AGO3: variants seen among roughly 807,000 people sequenced by gnomAD.
AGO3 encodes the protein protein argonaute-3.
In AGO3, 16 loss-of-function variants were observed where a neutral mutation model predicts 105.5. That is an observed-to-expected ratio of 0.15 (90% CI 0.10 to 0.23). AGO3 has a LOEUF of 0.23. AGO3 is among the 10% of genes least tolerant of loss of function. The pLI is 1.00. For missense variants in AGO3, 534 were observed against 1,088.0 expected (o/e 0.49, Z 7.16); for synonymous variants, 340 against 367.3 (o/e 0.93, Z 0.85).
At chr1:35,993,644 A>G (rs1247679655) in intron 5 of AGO3, among the ~76,000 whole-genome samples, 1 of 151,454 alleles carries the variant, frequency 6.6e-6, no homozygotes, top group African/African-American at 2.4e-5. Context: ...TGATTTCACT[A>G]GTGAGTTTTT....
In AGO3 at chr1:36,055,597, A is replaced by G. The variant is rs1227450466; in HGVS notation, c.2475-40A>G. The G allele has an allele frequency of 6.4e-7, 1 of 1,569,958 alleles. No individual in the cohort carries two copies. Among genetic ancestry groups the G allele is most frequent in the Non-Finnish European group, 8.8e-7 (1 of 1,142,296 alleles). Reference sequence around the variant, plus strand: ...TTTTTCGGAATTATTACATCAGAATAGAAAGTTTGTTTTTGTGTTCATTGC... The same window carrying G: ...TTTTTCGGAATTATTACATCAGAATGGAAAGTTTGTTTTTGTGTTCATTGC... On this transcript the variant is annotated intron_variant, in intron 18 of 18. Coordinates refer to ENST00000373191, the MANE Select transcript of AGO3 (RefSeq NM_024852.4). The surrounding 1 kb of genome is among the most constrained non-coding windows in gnomAD (Gnocchi z 4.4).
intron 17 of AGO3, among the ~76,000 whole-genome samples, chr1:36,049,490 C>T (rs1642612003): frequency 6.6e-6 from 1 of 151,610 alleles, no homozygotes; most frequent in Non-Finnish European, 1.5e-5. Flanking sequence ...TGCACTCCAA[C>T]CTGGCGACAG....
chr1:35,937,315 A>G (rs1006867154), intron 1 of AGO3, among the ~76,000 whole-genome samples: 2 of 151,808 alleles, frequency 1.3e-5, no homozygotes, highest in Admixed American at 6.6e-5. Flanking sequence ...AGGCAGGAGA[A>G]TCCTTTGAAC....
chr1:36,009,699 A>G (rs2148814824), intron 9 of AGO3, 105 bp downstream of exon 9: 1 of 1,169,530 alleles, frequency 8.6e-7, no homozygotes, highest in East Asian at 2.5e-5. Flanking sequence ...CATTTCATGG[A>G]CTGTCAGAAT....
At chr1:36,032,444 C>T (rs969861459) in intron 12 of AGO3, among the ~76,000 whole-genome samples, 5 of 151,978 alleles carry the variant, frequency 3.3e-5, no homozygotes, top group Admixed American at 6.6e-5. Flanking sequence ...TGCAATGACA[C>T]GATCATAGTT....
intron 5 of AGO3, among the ~76,000 whole-genome samples, chr1:35,977,799 T>C (rs1646979664): frequency 6.6e-6 from 1 of 152,162 alleles, no homozygotes; most frequent in African/African-American, 2.4e-5. Flanking sequence ...GTAGTGAAAT[T>C]CAGTGGTATT....
chr1:35,945,606 C>T, intron 1 of AGO3, 86 bp from the exon 2 acceptor site: 4 of 1,369,168 alleles, frequency 2.9e-6, no homozygotes, highest in Non-Finnish European at 4.0e-6. Context: ...ATCAGCTGTA[C>T]TTATAATTCT....
At chr1:35,980,590 C>T (rs1274484338) in intron 5 of AGO3, among the ~76,000 whole-genome samples, 2 of 152,146 alleles carry the variant, frequency 1.3e-5, no homozygotes, top group African/African-American at 4.8e-5. Flanking sequence ...AGCCTTATTC[C>T]TGAAGGACTG....
At chr1:35,941,800 C>A (rs1646260709) in intron 1 of AGO3, among the ~76,000 whole-genome samples, 1 of 152,150 alleles carries the variant, frequency 6.6e-6, no homozygotes. Flanking sequence ...CAGGACGAGC[C>A]TGGGCAACAT....
intron 5 of AGO3, among the ~76,000 whole-genome samples, chr1:35,974,978 C>A (rs922539563): frequency 6.6e-6 from 1 of 152,060 alleles, no homozygotes; most frequent in Admixed American, 6.6e-5. Context: ...GCTGCACCTA[C>A]CATTGTGTAA....
intron 11 of AGO3, among the ~76,000 whole-genome samples, chr1:36,018,105 C>G (rs1433457173): frequency 1.3e-5 from 2 of 150,784 alleles, no homozygotes; most frequent in African/African-American, 4.9e-5. Context: ...CTCAGCCTCC[C>G]AAGTAGAACA....
chr1:36,009,283 TG>T, intron 8 of AGO3, 191 bp from the exon 9 acceptor site: 1 of 802,378 alleles, frequency 1.2e-6, no homozygotes, highest in Non-Finnish European at 1.9e-6. Flanking sequence ...AGTCTTCATC[TG>T]GTGTACATTT....
chr1:36,002,452 C>T (rs1411927830), intron 5 of AGO3, among the ~76,000 whole-genome samples: 1 of 147,664 alleles, frequency 6.8e-6, no homozygotes, highest in Non-Finnish European at 1.5e-5. Flanking sequence ...GCCTCAGCCT[C>T]CTGAGTAGCT....
intron 2 of AGO3, among the ~76,000 whole-genome samples, chr1:35,953,347 C>G (rs1646508398): frequency 6.6e-6 from 1 of 151,752 alleles, no homozygotes. Flanking sequence ...TTCCCATATT[C>G]TCACCAATAT....
At position 35,955,356 on chromosome 1, in the gene AGO3, A is replaced by T. The variant is rs144391329; in HGVS notation, c.191+9493A>T. ...GACCAAAAAATACATATAGATATAAATGCACACACATTTCAAAAACTATAA... is the reference window on the plus strand; with the variant it reads ...GACCAAAAAATACATATAGATATAATTGCACACACATTTCAAAAACTATAA... On this transcript the variant is annotated intron_variant, in intron 2 of 18. Transcript: ENST00000373191. Among the ~76,000 whole-genome samples, 452 of 152,336 alleles carry T rather than the reference A, an allele frequency of 3.0e-3. 3 individuals are homozygous for T. Among genetic ancestry groups the T allele is most frequent in the African/African-American group, 0.01 (423 of 41,590 alleles).
At chr1:35,978,517 C>T (rs1646993653) in intron 5 of AGO3, among the ~76,000 whole-genome samples, 1 of 151,748 alleles carries the variant, frequency 6.6e-6, no homozygotes, top group African/African-American at 2.4e-5. Flanking sequence ...TTTTTATTAA[C>T]GTTAAACTCA....
intron 5 of AGO3, among the ~76,000 whole-genome samples, chr1:35,999,288 C>T (rs948131340): frequency 3.9e-5 from 6 of 151,960 alleles, no homozygotes; most frequent in Non-Finnish European, 5.9e-5. Flanking sequence ...TGCAGTTAGC[C>T]GAGATTACGC....
rs962463322 is a variant in AGO3 at position 36,055,675 on chromosome 1, G to A, written c.2513G>A (p.Arg838Gln). The change falls in exon 19 of 19, where the codon CGA becomes CAA. Residue 838 changes from arginine (R) to glutamine (Q), a missense_variant. Arg to Gln is a conservative substitution (Grantham distance 43). Coordinates refer to ENST00000373191, the MANE Select transcript of AGO3 (RefSeq NM_024852.4). This position sits in a 1 kb window ranked among gnomAD's most constrained non-coding sequence, Gnocchi z 4.4. ...GSHVSGQSNG[R>Q]DPQALAKAVQ... ...CACGTTTCAGGACAAAGCAATGGGC[G>A]AGATCCACAAGCTCTTGCCAAGGCT... 5.0e-6 allele frequency: 8 copies of A among 1,614,134 alleles called. No homozygotes were observed. The highest frequency in any genetic ancestry group is 1.7e-5 in the Admixed American group (1 of 60,016).
At chr1:35,995,069 C>T (rs1467320294) in intron 5 of AGO3, among the ~76,000 whole-genome samples, 5 of 151,556 alleles carry the variant, frequency 3.3e-5, no homozygotes, top group Non-Finnish European at 7.4e-5. Flanking sequence ...GGCATGGTGG[C>T]GTGTGCCTGT....
Sources: gnomAD v4.1 joint callset for allele counts (sites outside exome capture counted in the v4.1 genomes callset) on GRCh38, gnomAD v4.1.1 for gene constraint, Gnocchi (gnomAD v3.1) non-coding constraint, MANE v1.5 for transcripts, NCBI Gene and HGNC (gene_info 2026-07-23, HGNC 2026-07-21) for gene names.